Variants in THSD7A observed in about 807,000 individuals in gnomAD.
THSD7A encodes the protein thrombospondin type 1 domain containing 7A.
In THSD7A, 96 loss-of-function variants were observed where a neutral mutation model predicts 231.3. That is an observed-to-expected ratio of 0.41 (90% CI 0.35 to 0.49). THSD7A has a LOEUF of 0.49. Among genes scored for constraint, THSD7A ranks in the 20% least tolerant of loss-of-function variants. The pLI, the probability that THSD7A is intolerant of heterozygous loss-of-function variation, is 0.05. For missense variants in THSD7A, 2,290 were observed against 2,070.2 expected (o/e 1.11, Z -2.06); for synonymous variants, 940 against 743.3 (o/e 1.26, Z -4.30).
rs574955294 is a variant in THSD7A, at chr7:11,576,323, C to T, written c.1453+14137G>A. Reference sequence around the variant, plus strand: ...ATGCAAGCAATTTCTTTTCTAACTGCGCATAAACAATGCTTGATGAATTCC... The same window carrying T: ...ATGCAAGCAATTTCTTTTCTAACTGTGCATAAACAATGCTTGATGAATTCC... On this transcript the variant is annotated intron_variant, in intron 4 of 27. Transcript: ENST00000423059. Among the ~76,000 whole-genome samples the T allele has an allele frequency of 9.9e-5, 15 of 152,232 alleles. No individual in the cohort carries two copies. The East Asian group carries it at 1.7e-3, about 18-fold the overall frequency.
At chr7:11,425,828 G>T (rs1398893602) in intron 15 of THSD7A, among the ~76,000 whole-genome samples, 1 of 151,684 alleles carries the variant, frequency 6.6e-6, no homozygotes, top group Non-Finnish European at 1.5e-5. Context: ...AGCTTTTTAT[G>T]TAATGAATTC....
intron 2 of THSD7A, among the ~76,000 whole-genome samples, chr7:11,614,630 G>A (rs924562507): frequency 6.6e-6 from 1 of 152,174 alleles, no homozygotes; most frequent in Admixed American, 6.5e-5. Context: ...CACACAGAAA[G>A]AATTATGTTT....
chr7:11,394,828 G>A (rs553627095), intron 23 of THSD7A, among the ~76,000 whole-genome samples: 10 of 152,070 alleles, frequency 6.6e-5, no homozygotes, highest in South Asian at 2.1e-4. Context: ...TTCATCGGTC[G>A]GCCAGGGTCT....
intron 4 of THSD7A, among the ~76,000 whole-genome samples, chr7:11,574,018 T>A (rs13328340): frequency 0.014 from 2,170 of 152,258 alleles, 49 homozygotes; most frequent in African/African-American, 0.048. Flanking sequence ...TTTAAGAGCA[T>A]ATGAAGGAAA....
In THSD7A at chr7:11,446,258, C is replaced by A; in HGVS notation, c.2867G>T (p.Cys956Phe). The change falls in exon 13 of 28, where the codon TGT (cysteine) becomes TTT (phenylalanine). Residue 956 changes from cysteine (C) to phenylalanine (F), a missense_variant. Transcript: ENST00000423059. The surrounding 1 kb of genome is among the most constrained non-coding windows in gnomAD (Gnocchi z 4.0). ...HLYPLIETQYCPCDKYNAQPV... is the reference protein window; with the variant it reads ...HLYPLIETQYFPCDKYNAQPV... ...TTGTGCATTATATTTGTCACAAGGA[C>A]AATACTGAGTCTCAATCAGGGGATA... 6.2e-7 allele frequency: 1 copy of A among 1,613,432 alleles called. No homozygotes were observed. The highest frequency in any genetic ancestry group is 8.5e-7 in the Non-Finnish European group (1 of 1,179,574).
At chr7:11,435,353 A>G (rs1330783153) in intron 13 of THSD7A, among the ~76,000 whole-genome samples, 1 of 152,030 alleles carries the variant, frequency 6.6e-6, no homozygotes, top group Non-Finnish European at 1.5e-5. Flanking sequence ...TCCTCAGACT[A>G]CTTATGATTT....
At chr7:11,558,788 G>T (rs71536859) in intron 4 of THSD7A, among the ~76,000 whole-genome samples, 5,361 of 152,212 alleles carry the variant, frequency 0.035, 139 homozygotes, top group Non-Finnish European at 0.055. Context: ...TCACTCAAAA[G>T]TTCTATGCCT....
intron 13 of THSD7A, among the ~76,000 whole-genome samples, chr7:11,445,613 C>CT (rs747003418): frequency 2.6e-5 from 4 of 151,902 alleles, no homozygotes; most frequent in Non-Finnish European, 5.9e-5. Flanking sequence ...TTCTCTGCTG[C>CT]TTAATGACAT....
At chr7:11,486,228 C>T (rs375143563) in intron 6 of THSD7A, among the ~76,000 whole-genome samples, 2 of 151,192 alleles carry the variant, frequency 1.3e-5, no homozygotes, top group African/African-American at 2.5e-5. Flanking sequence ...TTTCATCCCT[C>T]TTCCTCACAT....
At chr7:11,528,213 G>A (rs181801259) in intron 6 of THSD7A, among the ~76,000 whole-genome samples, 2 of 152,176 alleles carry the variant, frequency 1.3e-5, no homozygotes, top group African/African-American at 4.8e-5. Context: ...TTCATGTGAG[G>A]ATAGCTCTAA....
chr7:11,546,891 C>T (rs1364577165), intron 4 of THSD7A, among the ~76,000 whole-genome samples: 1 of 151,698 alleles, frequency 6.6e-6, no homozygotes. Flanking sequence ...GAAAAACTCA[C>T]TATAAGAATT....
intron 1 of THSD7A, among the ~76,000 whole-genome samples, chr7:11,711,576 G>C (rs929448689): frequency 1.6e-4 from 24 of 151,042 alleles, no homozygotes; most frequent in South Asian, 6.2e-4. Context: ...AGATAAAATT[G>C]TTATAGGGAT....
At chr7:11,810,266 C>T (rs1170192576) in intron 1 of THSD7A, among the ~76,000 whole-genome samples, 1 of 152,098 alleles carries the variant, frequency 6.6e-6, no homozygotes, top group East Asian at 1.9e-4. Flanking sequence ...TGTCTCTGTG[C>T]CTTCGCCATG....
intron 1 of THSD7A, among the ~76,000 whole-genome samples, chr7:11,726,809 T>C (rs1156847170): frequency 6.6e-6 from 1 of 152,020 alleles, no homozygotes; most frequent in Non-Finnish European, 1.5e-5. Flanking sequence ...AAAATAGCAC[T>C]GACTTGGGAA....
chr7:11,540,811 C>T (rs1789113968), intron 6 of THSD7A, among the ~76,000 whole-genome samples: 1 of 152,096 alleles, frequency 6.6e-6, no homozygotes, highest in Non-Finnish European at 1.5e-5. Flanking sequence ...AAGGTAATTC[C>T]TGAGGTTGGG....
chr7:11,477,550 T>C (rs1786243819), intron 7 of THSD7A, among the ~76,000 whole-genome samples: 1 of 152,176 alleles, frequency 6.6e-6, no homozygotes, highest in Non-Finnish European at 1.5e-5. Flanking sequence ...TTTATTTATA[T>C]AATATGTGGA....
chr7:11,717,686 G>C (rs376795662), intron 1 of THSD7A, among the ~76,000 whole-genome samples: 17 of 151,688 alleles, frequency 1.1e-4, no homozygotes, highest in African/African-American at 3.6e-4. Flanking sequence ...CATTTTGCCT[G>C]TTCTACCCTT....
intron 2 of THSD7A, among the ~76,000 whole-genome samples, chr7:11,628,872 T>G (rs1001525613): frequency 3.9e-5 from 6 of 152,160 alleles, no homozygotes; most frequent in Non-Finnish European, 8.8e-5. Context: ...CAATGTAAAC[T>G]CACAGGGGTT....
intron 9 of THSD7A, among the ~76,000 whole-genome samples, chr7:11,464,279 G>C (rs567485522): frequency 4.1e-4 from 63 of 152,064 alleles, no homozygotes; most frequent in African/African-American, 1.5e-3. Context: ...GCTCAAATGG[G>C]TTTTTGTTTC....
Sources: allele counts gnomAD v4.1 joint callset (sites outside exome capture counted in the v4.1 genomes callset), GRCh38; gene constraint gnomAD v4.1.1; non-coding constraint Gnocchi (gnomAD v3.1); transcripts MANE v1.5; gene names NCBI Gene and HGNC (gene_info 2026-07-23, HGNC 2026-07-21).